The following PAG1 variants were observed in gnomAD, a reference collection of about 807,000 sequenced individuals.
PAG1 encodes the protein phosphoprotein membrane anchor with glycosphingolipid microdomains 1.
A neutral mutation model predicts 31.7 loss-of-function variants in PAG1; 23 were observed. The observed-to-expected ratio is 0.73, with a 90% confidence interval of 0.52 to 1.03. The LOEUF is 1.03. PAG1 is among the 50% of genes least tolerant of loss of function. The pLI is 0.00. For missense variants in PAG1, 473 were observed against 540.7 expected (o/e 0.87, Z 1.24); for synonymous variants, 214 against 210.3 (o/e 1.02, Z -0.15).
At chr8:80,977,597 G>A (rs189082860) in intron 8 of PAG1, among the ~76,000 whole-genome samples, 55 of 152,278 alleles carry the variant, frequency 3.6e-4, no homozygotes, top group Middle Eastern at 3.4e-3. Flanking sequence ...ACTTAGTTGC[G>A]TATTACTGGT....
In PAG1 at chr8:80,976,844, C is replaced by A. The variant is rs376862234; in HGVS notation, c.999G>T (p.Ser333=). The change falls in exon 9 of 9, where the codon TCG becomes TCT. Residue 333 remains serine (S), a synonymous_variant. Coordinates refer to ENST00000220597, the MANE Select transcript of PAG1 (RefSeq NM_018440.4). The part of the protein sequence containing the change: ...PGQLVNKSGQ[S]LTVPESTYTS... ...TGTAGGTGGACTCCGGAACTGTAAG[C>A]GACTGCCCCGATTTATTCACTAACT... 6.2e-7 allele frequency: 1 copy of A among 1,613,498 alleles called. No individual in the cohort carries two copies. Among genetic ancestry groups the A allele is most frequent in the Non-Finnish European group, 8.5e-7 (1 of 1,179,458 alleles).
At chr8:81,009,109 G>A (rs921867185) in intron 3 of PAG1, among the ~76,000 whole-genome samples, 2 of 152,112 alleles carry the variant, frequency 1.3e-5, no homozygotes, top group African/African-American at 4.8e-5. Context: ...ATGGCTGGCT[G>A]GATGCTCAAA....
intron 1 of PAG1, among the ~76,000 whole-genome samples, chr8:81,099,383 T>C (rs1563430245): frequency 6.6e-6 from 1 of 152,210 alleles, no homozygotes; most frequent in Non-Finnish European, 1.5e-5. Flanking sequence ...GTGACCACCA[T>C]TGAAACAGGG....
Position 81,058,240 on chromosome 8 carries a change from A to C in PAG1, c.-175+11872T>G, listed in dbSNP as rs78685119. Among the ~76,000 whole-genome samples, 403 of 152,330 alleles carry C rather than the reference A, an allele frequency of 2.6e-3. 2 individuals carry two copies. The highest frequency in any genetic ancestry group is 9.2e-3 in the African/African-American group (382 of 41,572). ...AAAGGGACCTGTAGATTCTTATAGC[A>C]GTTTTGAACAACAGCAGCACAAAGA... On this transcript the variant is annotated intron_variant, in intron 2 of 8. Transcript: ENST00000220597.
chr8:81,002,783 A>G (rs190214031), intron 3 of PAG1, among the ~76,000 whole-genome samples: 23 of 152,360 alleles, frequency 1.5e-4, no homozygotes, highest in Admixed American at 1.3e-3. Context: ...TAGAACCAAA[A>G]TCCTCAAAAC....
chr8:81,031,269 C>G (rs1238306885), intron 2 of PAG1, among the ~76,000 whole-genome samples: 1 of 152,204 alleles, frequency 6.6e-6, no homozygotes, highest in Non-Finnish European at 1.5e-5. Context: ...TTAAAAAGAT[C>G]AGAACAAGAC....
At chr8:80,986,344 C>T (rs1230810116) in intron 6 of PAG1, among the ~76,000 whole-genome samples, 1 of 152,156 alleles carries the variant, frequency 6.6e-6, no homozygotes, top group Non-Finnish European at 1.5e-5. Flanking sequence ...AGAACAGGCA[C>T]TGGTGTCCTG....
At chr8:81,014,184 G>A (rs1808033422) in intron 3 of PAG1, among the ~76,000 whole-genome samples, 1 of 152,184 alleles carries the variant, frequency 6.6e-6, no homozygotes, top group African/African-American at 2.4e-5. Flanking sequence ...ATCAAATTTA[G>A]AATATCAAGC....
At chr8:80,997,056 A>AATCATGGCATTTCCAGACTCTACAC (rs1378723228) in intron 3 of PAG1, among the ~76,000 whole-genome samples, 9 of 152,198 alleles carry the variant, frequency 5.9e-5, no homozygotes, top group Admixed American at 2.0e-4. Context: ...GTCCTGTGAC[A>AATCATGGCATTTCCAGACTCTACAC]TGGTTATGGT....
chr8:81,000,476 G>A (rs968503371), intron 3 of PAG1, among the ~76,000 whole-genome samples: 4 of 152,048 alleles, frequency 2.6e-5, no homozygotes, highest in South Asian at 2.1e-4. Flanking sequence ...GTGCAGTGGC[G>A]TGATCTCGGC....
chr8:81,058,497 T>C, intron 2 of PAG1: 1 of 152,532 alleles, frequency 6.6e-6, no homozygotes, highest in Non-Finnish European at 1.5e-5. Flanking sequence ...TGTAGGAGGC[T>C]AAGGCAGGAG....
At chr8:81,084,101 A>G (rs1809313464) in intron 1 of PAG1, among the ~76,000 whole-genome samples, 1 of 151,958 alleles carries the variant, frequency 6.6e-6, no homozygotes, top group East Asian at 1.9e-4. Context: ...AAGCCAGGTA[A>G]CTCACTATTG....
At chr8:80,996,554 G>T (rs34206756) in intron 3 of PAG1, among the ~76,000 whole-genome samples, 7,758 of 152,222 alleles carry the variant, frequency 0.051, 269 homozygotes, top group African/African-American at 0.052. Flanking sequence ...CCTGCTCACA[G>T]GTCTAGATGG....
chr8:81,077,128 C>A (rs1056021989), intron 1 of PAG1, among the ~76,000 whole-genome samples: 2 of 152,174 alleles, frequency 1.3e-5, no homozygotes, highest in African/African-American at 2.4e-5. Flanking sequence ...AGCATTGGCA[C>A]CCCCCAGGAG....
intron 2 of PAG1, among the ~76,000 whole-genome samples, chr8:81,041,424 G>A (rs1480444744): frequency 6.6e-6 from 1 of 152,212 alleles, no homozygotes; most frequent in Non-Finnish European, 1.5e-5. Context: ...GAGAGAAGAT[G>A]TCAGCCCAGA....
intron 1 of PAG1, among the ~76,000 whole-genome samples, chr8:81,094,161 C>T (rs1809491083): frequency 6.6e-6 from 1 of 152,090 alleles, no homozygotes; most frequent in Non-Finnish European, 1.5e-5. Context: ...TTCCTCTCTA[C>T]CTATACCCCA....
At chr8:80,979,825 TTATATG>T (rs1193617592) in intron 8 of PAG1, among the ~76,000 whole-genome samples, 1 of 152,172 alleles carries the variant, frequency 6.6e-6, no homozygotes, top group African/African-American at 2.4e-5. Context: ...ATATTTCATA[TTATATG>T]TATAATACTG....
At chr8:81,001,785 G>A (rs550651453) in intron 3 of PAG1, among the ~76,000 whole-genome samples, 1 of 152,282 alleles carries the variant, frequency 6.6e-6, no homozygotes, top group South Asian at 2.1e-4. Context: ...GGGTCATGCA[G>A]CTACAGGCTC....
In PAG1 at chr8:80,973,291, T is replaced by C. The variant is rs1807115149; in HGVS notation, c.*3253A>G. On this transcript the variant is annotated 3_prime_UTR_variant, in exon 9 of 9. Transcript: ENST00000220597. ...TTCCTCAAATATTTTCTTTTCTATA[T>C]AGCGTTTTGTTCTTGTGTAGTTATC... is the stretch of plus-strand genomic sequence containing the variant. The C allele has an allele frequency of 6.6e-6, 1 of 152,200 alleles. No individual in the cohort carries two copies. Among genetic ancestry groups the C allele is most frequent in the Non-Finnish European group, 1.5e-5 (1 of 68,020 alleles). The allele number at this position is 152,200 out of a possible 1,614,324, so 9.4% of individuals were successfully genotyped here. A position where few individuals can be genotyped will look rare whatever the true frequency, so the allele number is the denominator to read the frequency against.
Sources: allele counts gnomAD v4.1 joint callset (sites outside exome capture counted in the v4.1 genomes callset), GRCh38; gene constraint gnomAD v4.1.1; transcripts MANE v1.5; gene names NCBI Gene and HGNC (gene_info 2026-07-23, HGNC 2026-07-21).